Variants in THSD7B observed in about 807,000 individuals in gnomAD.
THSD7B encodes thrombospondin type-1 domain-containing protein 7B.
THSD7B carries 138 observed loss-of-function variants against 213.6 expected under a neutral mutation model. The ratio of observed to expected loss-of-function variants is 0.65; its 90% CI spans 0.56 to 0.74. THSD7B has a LOEUF of 0.74. Ranked by LOEUF, THSD7B falls within the 30% of genes least tolerant of loss-of-function variation. The pLI is 0.00. For synonymous variants in THSD7B, 742 were observed against 687.0 expected (o/e 1.08, Z -1.25); for missense variants, 1,931 against 1,991.5 (o/e 0.97, Z 0.58).
chr2:137,201,468 C>G (rs1193161238), intron 7 of THSD7B, among the ~76,000 whole-genome samples: 1 of 152,104 alleles, frequency 6.6e-6, no homozygotes, highest in South Asian at 2.1e-4. Context: ...GGTAATTCTA[C>G]TTTTATTTTC....
intron 2 of THSD7B, among the ~76,000 whole-genome samples, chr2:136,942,335 T>C (rs1428448908): frequency 2.6e-5 from 4 of 152,250 alleles, no homozygotes; most frequent in Non-Finnish European, 5.9e-5. Context: ...TGTGGGCTCT[T>C]TTTTGGTTCC....
intron 14 of THSD7B, among the ~76,000 whole-genome samples, chr2:137,425,884 AAGAG>A (rs150578305): frequency 2.7e-4 from 41 of 152,272 alleles, no homozygotes; most frequent in African/African-American, 9.6e-4. Flanking sequence ...AACAGAAAGA[AAGAG>A]AAAGACTGAC....
intron 12 of THSD7B, among the ~76,000 whole-genome samples, chr2:137,334,753 G>C (rs1260597151): frequency 6.6e-6 from 1 of 152,172 alleles, no homozygotes; most frequent in East Asian, 1.9e-4. Flanking sequence ...CTAGATTTCT[G>C]TAACTACTAT....
In THSD7B at chr2:137,642,585, C is replaced by G. The variant is rs1426687088; in HGVS notation, c.3897C>G (p.Thr1299=). 2.5e-6 allele frequency: 4 copies of G among 1,613,866 alleles called. No homozygotes were observed. The highest frequency in any genetic ancestry group is 1.3e-5 in the African/African-American group (1 of 75,020). Reference sequence around the variant, plus strand: ...CCCAGGAGAAAACCTGCCCAGTGACCCCCTGCTACAGCTGGGTCCTTGGCA... The same window carrying G: ...CCCAGGAGAAAACCTGCCCAGTGACGCCCTGCTACAGCTGGGTCCTTGGCA... ...ELTQEKTCPV[T]PCYSWVLGNW... is the part of the protein sequence containing the mutation. Residue 1299 remains threonine, a synonymous_variant, in exon 21 of 28, where the codon ACC becomes ACG. Transcript: ENST00000409968.
intron 14 of THSD7B, among the ~76,000 whole-genome samples, chr2:137,443,504 T>C (rs951525010): frequency 6.6e-6 from 1 of 152,136 alleles, no homozygotes; most frequent in African/African-American, 2.4e-5. Context: ...TTTTTCCTCA[T>C]TGATAAGAAT....
chr2:137,317,970 G>A (rs748933701), intron 12 of THSD7B, among the ~76,000 whole-genome samples: 3 of 152,110 alleles, frequency 2.0e-5, no homozygotes, highest in Non-Finnish European at 4.4e-5. Flanking sequence ...TGGTTTAGTT[G>A]CAGCTATTCC....
chr2:136,945,938 C>T (rs1055391183), intron 2 of THSD7B, among the ~76,000 whole-genome samples: 17 of 152,082 alleles, frequency 1.1e-4, no homozygotes, highest in African/African-American at 4.1e-4. Flanking sequence ...TTGTTATTAC[C>T]GACCTTCTAA....
rs566473820 is a variant in THSD7B at position 137,090,814 on chromosome 2, A to G, written c.951-4059A>G. Among the ~76,000 whole-genome samples, 83 of 152,340 alleles carry G rather than the reference A, an allele frequency of 5.4e-4. 1 individual carries two copies. Among genetic ancestry groups the G allele is most frequent in the Admixed American group, 2.4e-3 (36 of 15,304 alleles). On this transcript the variant is annotated intron_variant, in intron 3 of 27. Coordinates refer to ENST00000409968, the MANE Select transcript of THSD7B (RefSeq NM_001316349.2). ...TCCAATTACACTAAAGGTTACTACA[A>G]ATCTAAGGGGTGAGTAAATCACATT...
chr2:136,968,191 C>T (rs1685351072), intron 2 of THSD7B, among the ~76,000 whole-genome samples: 1 of 152,100 alleles, frequency 6.6e-6, no homozygotes, highest in African/African-American at 2.4e-5. Context: ...GGTTATTTTC[C>T]AACGTGATGA....
chr2:137,062,821 A>G (rs1687302189), intron 3 of THSD7B, among the ~76,000 whole-genome samples: 1 of 151,786 alleles, frequency 6.6e-6, no homozygotes, highest in African/African-American at 2.4e-5. Flanking sequence ...AATTATATCC[A>G]GTTGATTGAT....
Position 137,676,667 on chromosome 2 carries a change from T to TC in THSD7B, c.*63dup. 7.1e-7 allele frequency: 1 copy of TC among 1,402,712 alleles called. No homozygotes were observed. Among genetic ancestry groups the TC allele is most frequent in the Non-Finnish European group, 9.6e-7 (1 of 1,046,752 alleles). 86.9% of individuals were successfully genotyped at this position (1,402,712 alleles called of 1,614,324 possible). A position where few individuals can be genotyped will look rare whatever the true frequency, so the allele number is the denominator to read the frequency against. ...TTAACCGCTTTCTCTTTTGTAGCTCTCAGACTTCTCAGTTTTTTGAGGAAT... is the reference window on the plus strand; with the variant it reads ...TTAACCGCTTTCTCTTTTGTAGCTCTCCAGACTTCTCAGTTTTTTGAGGAAT... On this transcript the variant is annotated 3_prime_UTR_variant, in exon 28 of 28. Coordinates refer to ENST00000409968, the MANE Select transcript of THSD7B (RefSeq NM_001316349.2).
chr2:137,599,978 A>G (rs1255719317), intron 17 of THSD7B, among the ~76,000 whole-genome samples: 1 of 151,958 alleles, frequency 6.6e-6, no homozygotes, highest in African/African-American at 2.4e-5. Context: ...CAATTTTCCA[A>G]TGCCCCTCAG....
chr2:137,111,009 G>T (rs1285374626), intron 4 of THSD7B, among the ~76,000 whole-genome samples: 1 of 152,094 alleles, frequency 6.6e-6, no homozygotes, highest in Admixed American at 6.5e-5. Flanking sequence ...TTGTGTAAGT[G>T]CACTCTATGA....
intron 10 of THSD7B, among the ~76,000 whole-genome samples, chr2:137,261,214 T>G (rs1682439016): frequency 6.6e-6 from 1 of 151,848 alleles, no homozygotes; most frequent in South Asian, 2.1e-4. Flanking sequence ...TTTGTGGAGG[T>G]GTAGGAACAT....
chr2:137,228,853 C>G (rs1681575903), intron 7 of THSD7B, among the ~76,000 whole-genome samples: 1 of 152,070 alleles, frequency 6.6e-6, no homozygotes, highest in African/African-American at 2.4e-5. Context: ...AACAGTGAGC[C>G]CATCTATTTT....
intron 7 of THSD7B, among the ~76,000 whole-genome samples, chr2:137,223,607 A>AT (rs1681425473): frequency 6.6e-6 from 1 of 152,154 alleles, no homozygotes; most frequent in Admixed American, 6.5e-5. Context: ...AAAAGCCAAC[A>AT]TTTTTTCCCT....
intron 19 of THSD7B, among the ~76,000 whole-genome samples, chr2:137,618,716 G>A (rs1490020413): frequency 6.6e-6 from 1 of 152,060 alleles, no homozygotes; most frequent in Non-Finnish European, 1.5e-5. Flanking sequence ...TTTTGTAGTG[G>A]AGAAATGGGT....
intron 20 of THSD7B, among the ~76,000 whole-genome samples, chr2:137,633,870 T>G (rs1682785893): frequency 1.3e-5 from 2 of 152,156 alleles, no homozygotes; most frequent in East Asian, 1.9e-4. Context: ...TGAGGACTGT[T>G]TTTACAATGA....
intron 12 of THSD7B, among the ~76,000 whole-genome samples, chr2:137,391,829 A>T (rs1686034827): frequency 6.6e-6 from 1 of 152,070 alleles, no homozygotes; most frequent in Non-Finnish European, 1.5e-5. Flanking sequence ...TTGAGATGGA[A>T]TATTAGCTTT....
Sources: gnomAD v4.1 joint callset for allele counts (sites outside exome capture counted in the v4.1 genomes callset) on GRCh38, gnomAD v4.1.1 for gene constraint, MANE v1.5 for transcripts, NCBI Gene and HGNC (gene_info 2026-07-23, HGNC 2026-07-21) for gene names.